FGF12: variants seen among roughly 807,000 people sequenced by gnomAD.
FGF12 encodes fibroblast growth factor 12.
A neutral mutation model predicts 23.6 loss-of-function variants in FGF12; 14 were observed. The observed-to-expected ratio is 0.59, with a 90% confidence interval of 0.39 to 0.93. The LOEUF is 0.93. Ranked by LOEUF, FGF12 falls within the 40% of genes least tolerant of loss-of-function variation. The pLI, the probability that FGF12 is intolerant of heterozygous loss-of-function variation, is 0.00. For missense variants in FGF12, 175 were observed against 217.8 expected (o/e 0.80, Z 1.24); for synonymous variants, 62 against 77.3 (o/e 0.80, Z 1.04).
intron 4 of FGF12, among the ~76,000 whole-genome samples, chr3:192,173,110 T>TA (rs905651054): frequency 1.3e-5 from 2 of 150,662 alleles, no homozygotes; most frequent in African/African-American, 4.9e-5. Flanking sequence ...GTAAGTACTG[T>TA]AGTGATTATC....
intron 2 of FGF12, among the ~76,000 whole-genome samples, chr3:192,603,018 C>T (rs1203590524): frequency 6.6e-6 from 1 of 152,030 alleles, no homozygotes; most frequent in Non-Finnish European, 1.5e-5. Flanking sequence ...GGAAACTAGG[C>T]ATCAAAGGAA....
chr3:192,244,177 A>G (rs1719767532), intron 4 of FGF12, among the ~76,000 whole-genome samples: 1 of 152,124 alleles, frequency 6.6e-6, no homozygotes, highest in Admixed American at 6.5e-5. Context: ...CAAACTTACA[A>G]ATATTCTGCT....
chr3:192,635,683 C>T (rs946473470), intron 2 of FGF12, among the ~76,000 whole-genome samples: 2 of 152,128 alleles, frequency 1.3e-5, no homozygotes, highest in African/African-American at 4.8e-5. Flanking sequence ...GGTTTAAAAT[C>T]TTGCTGTACA....
At chr3:192,434,163 A>C (rs971151397) in intron 2 of FGF12, among the ~76,000 whole-genome samples, 4 of 152,184 alleles carry the variant, frequency 2.6e-5, no homozygotes, top group Non-Finnish European at 4.4e-5. Flanking sequence ...AAATAAAAAA[A>C]CCCAGAAAAC....
At chr3:192,615,563 T>C (rs1455502970) in intron 2 of FGF12, among the ~76,000 whole-genome samples, 1 of 152,044 alleles carries the variant, frequency 6.6e-6, no homozygotes, top group Non-Finnish European at 1.5e-5. Flanking sequence ...CACCTACACA[T>C]TTAAAACATA....
chr3:192,556,529 C>T (rs1045694850), intron 2 of FGF12, among the ~76,000 whole-genome samples: 2 of 152,042 alleles, frequency 1.3e-5, no homozygotes, highest in South Asian at 4.1e-4. Context: ...GAAGCAAACA[C>T]TGATAGAACT....
chr3:192,398,910 G>A (rs573473770), intron 2 of FGF12, among the ~76,000 whole-genome samples: 1 of 152,256 alleles, frequency 6.6e-6, no homozygotes, highest in East Asian at 1.9e-4. Flanking sequence ...CTTGCTCAGT[G>A]AGTCAGGATG....
chr3:192,230,103 T>C (rs1252976759), intron 4 of FGF12, among the ~76,000 whole-genome samples: 1 of 152,102 alleles, frequency 6.6e-6, no homozygotes, highest in African/African-American at 2.4e-5. Flanking sequence ...TCAGACCCCA[T>C]TCCACACTTA....
chr3:192,417,422 A>G (rs1329048306), intron 2 of FGF12, among the ~76,000 whole-genome samples: 2 of 151,958 alleles, frequency 1.3e-5, no homozygotes, highest in Admixed American at 6.6e-5. Flanking sequence ...TAAGGGTAAG[A>G]ATCTGACTTA....
Position 192,566,647 on chromosome 3 carries a change from A to G in FGF12, c.13+160534T>C, listed in dbSNP as rs369007559. On this transcript the variant is annotated intron_variant, in intron 2 of 5. Transcript: ENST00000445105. Reference sequence around the variant, plus strand: ...TCTCTTTGGCCCATCCCAGTCTTTTAATCTCTAGATTTGTCCGTCATAATA... The same window carrying G: ...TCTCTTTGGCCCATCCCAGTCTTTTGATCTCTAGATTTGTCCGTCATAATA... Among the ~76,000 whole-genome samples the G allele has an allele frequency of 1.7e-4, 26 of 152,284 alleles. No individual in the cohort carries two copies. The East Asian group carries it at 4.8e-3, about 28-fold the overall frequency.
intron 2 of FGF12, among the ~76,000 whole-genome samples, chr3:192,453,309 C>T (rs1370217682): frequency 6.6e-6 from 1 of 152,072 alleles, no homozygotes; most frequent in Non-Finnish European, 1.5e-5. Flanking sequence ...ATTTGAAAAT[C>T]TTTTGTTCCT....
rs367853366 is a variant in FGF12, at chr3:192,447,561, T to C, written c.14-87023A>G. On this transcript the variant is annotated intron_variant, in intron 2 of 5. Coordinates refer to ENST00000445105, the MANE Select transcript of FGF12 (RefSeq NM_004113.6). ...TTTTCTAGACATTTGGTTTACATAG[T>C]GGCAATAATACAGTGCATTCAGACT... Among the ~76,000 whole-genome samples, 299 of 152,330 alleles carry C rather than the reference T, an allele frequency of 2.0e-3. 1 individual carries two copies. The highest frequency in any genetic ancestry group is 3.4e-3 in the Middle Eastern group (1 of 294).
chr3:192,640,754 G>A (rs1691663804), intron 2 of FGF12, among the ~76,000 whole-genome samples: 2 of 152,224 alleles, frequency 1.3e-5, no homozygotes, highest in East Asian at 1.9e-4. Flanking sequence ...ATTTTGGACT[G>A]TAGCCCATTT....
intron 4 of FGF12, among the ~76,000 whole-genome samples, chr3:192,225,578 C>A (rs1372234704): frequency 6.6e-6 from 1 of 152,008 alleles, no homozygotes; most frequent in African/African-American, 2.4e-5. Flanking sequence ...AACAGGTTAC[C>A]ACATTACCAA....
chr3:192,264,359 G>A lies in FGF12; in HGVS notation c.228+71002C>T, dbSNP rs1560041603. Reference sequence around the variant, plus strand: ...CCTGGGTATATCATATTTTTTTGACGATATTGATGAACAAAAATAAGAGAT... The same window carrying A: ...CCTGGGTATATCATATTTTTTTGACAATATTGATGAACAAAAATAAGAGAT... On this transcript the variant is annotated intron_variant, in intron 4 of 5. Transcript: ENST00000445105. Among the ~76,000 whole-genome samples the A allele has an allele frequency of 2.6e-5, 4 of 151,922 alleles. No individual in the cohort carries two copies. The South Asian group carries it at 8.3e-4, about 32-fold the overall frequency.
chr3:192,468,132 T>G (rs1164393676), intron 2 of FGF12, among the ~76,000 whole-genome samples: 1 of 151,980 alleles, frequency 6.6e-6, no homozygotes, highest in Admixed American at 6.6e-5. Context: ...GACTAAAGAG[T>G]GGGTTTCCTG....
At chr3:192,441,865 A>G (rs1501619) in intron 2 of FGF12, among the ~76,000 whole-genome samples, 19,089 of 152,200 alleles carry the variant, frequency 0.13, 3,892 homozygotes, top group African/African-American at 0.43. Flanking sequence ...CCTGTTTGTA[A>G]TCCCAAGGTC....
chr3:192,166,619 C>T (rs950634585), intron 5 of FGF12, among the ~76,000 whole-genome samples: 2 of 152,156 alleles, frequency 1.3e-5, no homozygotes, highest in African/African-American at 4.8e-5. Context: ...TCATTTTTCA[C>T]ATTTGTAAAT....
chr3:192,144,191 T>C, intron 5 of FGF12, 64 bp from the exon 6 acceptor site: 1 of 896,764 alleles, frequency 1.1e-6, no homozygotes, highest in East Asian at 2.6e-5. Context: ...AATAAGCTTT[T>C]CAAATTTGAT....
Sources: allele counts gnomAD v4.1 joint callset (sites outside exome capture counted in the v4.1 genomes callset), GRCh38; gene constraint gnomAD v4.1.1; transcripts MANE v1.5; gene names NCBI Gene and HGNC (gene_info 2026-07-23, HGNC 2026-07-21).